ANK3: variants seen among roughly 807,000 people sequenced by gnomAD.
ANK3 encodes ankyrin 3.
ANK3 carries 57 observed loss-of-function variants against 370.9 expected under a neutral mutation model. The ratio of observed to expected loss-of-function variants is 0.15; its 90% confidence interval spans 0.12 to 0.19. ANK3 has a LOEUF of 0.19. ANK3 is among the 10% of genes least tolerant of loss of function. The pLI is 1.00. For synonymous variants in ANK3, 1,929 were observed against 1,946.3 expected, an observed-to-expected ratio of 0.99 and a Z score of 0.23; for missense variants, 4,439 against 5,302.1, an observed-to-expected ratio of 0.84 and a Z score of 5.06.
chr10:60,378,260 T>C (rs1294466324), intron 1 of ANK3, among the ~76,000 whole-genome samples: 1 of 152,176 alleles, frequency 6.6e-6, no homozygotes, highest in Non-Finnish European at 1.5e-5. Flanking sequence ...ATTCTACAAA[T>C]TGCATTTAAT....
At position 60,208,136 on chromosome 10, in the gene ANK3, T is replaced by C. The variant is rs749403036; in HGVS notation, c.1094A>G (p.Asn365Ser). Residue 365 changes from asparagine (N) to serine (S), a missense_variant, in exon 10 of 44, where the codon AAT (asparagine) becomes AGT (serine). Transcript: ENST00000280772. ...QHNVPVDDVT[N>S]DYLTALHVAA... Reference sequence around the variant, plus strand: ...CACGTGTAGGGCAGTCAGGTAGTCATTGGTGACATCATCCACGGGTACATT... The same window carrying C: ...CACGTGTAGGGCAGTCAGGTAGTCACTGGTGACATCATCCACGGGTACATT... The C allele has an allele frequency of 1.2e-6, 2 of 1,613,984 alleles. No homozygotes were observed. The highest frequency in any genetic ancestry group is 2.2e-5 in the East Asian group (1 of 44,894).
intron 4 of ANK3, among the ~76,000 whole-genome samples, chr10:60,275,945 T>C (rs1210884371): frequency 1.3e-5 from 2 of 152,320 alleles, no homozygotes; most frequent in African/African-American, 4.8e-5. Flanking sequence ...ACATCTAATA[T>C]AAAGTATTAA....
intron 42 of ANK3, chr10:60,050,685 G>C (rs1188435672): frequency 6.6e-6 from 1 of 152,048 alleles, no homozygotes; most frequent in African/African-American, 2.4e-5. Context: ...TGAAGACAAG[G>C]GGGAGACTAC....
In ANK3 at chr10:60,138,949, G is replaced by A. The variant is rs371906765; in HGVS notation, c.2738+15C>T. 9 of 1,611,660 alleles carry A rather than the reference G, an allele frequency of 5.6e-6. No homozygotes were observed. The highest frequency in any genetic ancestry group is 6.8e-6 in the Non-Finnish European group (8 of 1,179,250). ...TGTTTTAAATTAACTATGAAAGACA[G>A]CAACAACGAAGTACCTGGCAGAACG... is the stretch of plus-strand genomic sequence containing the variant. On this transcript the variant is annotated intron_variant, in intron 24 of 43. Coordinates refer to ENST00000280772, the MANE Select transcript of ANK3 (RefSeq NM_020987.5).
chr10:60,083,557 C>T lies in ANK3; in HGVS notation c.4135G>A (p.Gly1379Arg), dbSNP rs773581870. 3.1e-6 allele frequency: 5 copies of T among 1,611,842 alleles called. No individual in the cohort carries two copies. In the Admixed American group the frequency reaches 5.0e-5, roughly 16 times the overall value. Residue 1379 changes from glycine (G) to arginine (R), a missense_variant, in exon 33 of 44, where the codon GGA becomes AGA. Physicochemically the swap from Gly to Arg is moderately radical, Grantham distance 125. Around this residue, in one of 13 missense-constraint regions of ANK3, gnomAD observed 702 missense variants for 941.5 expected, o/e 0.75. Coordinates refer to ENST00000280772, the MANE Select transcript of ANK3 (RefSeq NM_020987.5). ...CYGNLAPLTK[G>R]GQQLVFNFYS... Reference sequence around the variant, plus strand: ...AAGTTAAAAACAAGTTGCTGTCCTCCTTTGGTAAGTGGGGCCAAATTTCCA... The same window carrying T: ...AAGTTAAAAACAAGTTGCTGTCCTCTTTTGGTAAGTGGGGCCAAATTTCCA...
intron 2 of ANK3, among the ~76,000 whole-genome samples, chr10:60,400,176 C>T (rs558321726): frequency 6.6e-6 from 1 of 152,186 alleles, no homozygotes; most frequent in East Asian, 1.9e-4. Flanking sequence ...ATTACTTTGT[C>T]AGTGAGCTCT....
intron 1 of ANK3, among the ~76,000 whole-genome samples, chr10:60,311,557 G>A (rs756372574): frequency 1.3e-4 from 20 of 151,630 alleles, no homozygotes; most frequent in Non-Finnish European, 2.2e-4. Flanking sequence ...TTGGGAGAAT[G>A]GGGGAAGAAT....
intron 18 of ANK3, among the ~76,000 whole-genome samples, chr10:60,178,830 G>A (rs1184445340): frequency 6.6e-6 from 1 of 152,048 alleles, no homozygotes; most frequent in African/African-American, 2.4e-5. Context: ...AGCAAAAGCA[G>A]TGGCTTCATC....
chr10:60,091,783 T>C (rs949361210), intron 28 of ANK3, among the ~76,000 whole-genome samples: 6 of 150,214 alleles, frequency 4.0e-5, no homozygotes, highest in African/African-American at 1.5e-4. Context: ...TAGGCTGGAG[T>C]GCAGTGGCAC....
chr10:60,081,169 C>G (rs2085130011), intron 35 of ANK3, among the ~76,000 whole-genome samples: 1 of 152,142 alleles, frequency 6.6e-6, no homozygotes, highest in African/African-American at 2.4e-5. Context: ...CTCACTGCAA[C>G]CTCTGCCTCC....
intron 1 of ANK3, among the ~76,000 whole-genome samples, chr10:60,333,026 A>G (rs1400463390): frequency 6.6e-6 from 1 of 152,210 alleles, no homozygotes; most frequent in Non-Finnish European, 1.5e-5. Flanking sequence ...TGAAGTATAA[A>G]AACATACAAT....
At chr10:60,049,067 G>A (rs2077426960) in intron 42 of ANK3, among the ~76,000 whole-genome samples, 1 of 152,128 alleles carries the variant, frequency 6.6e-6, no homozygotes. Context: ...CTTTGCAATT[G>A]CCCCAAAAAT....
At chr10:60,041,082 T>C (rs1480240811) in intron 43 of ANK3, among the ~76,000 whole-genome samples, 1 of 152,178 alleles carries the variant, frequency 6.6e-6, no homozygotes, top group Non-Finnish European at 1.5e-5. Context: ...AACCAAGTTG[T>C]GTTGAAATTT....
At chr10:60,083,355 C>T (rs1012243706) in intron 33 of ANK3, 137 bp downstream of exon 33, 49 of 893,054 alleles carry the variant, frequency 5.5e-5, no homozygotes, top group Middle Eastern at 3.4e-4. Context: ...CTGGTAGAAC[C>T]AGAACAAAAT....
chr10:60,570,949 T>A (rs1259891904), intron 2 of ANK3, among the ~76,000 whole-genome samples: 1 of 152,136 alleles, frequency 6.6e-6, no homozygotes, highest in Non-Finnish European at 1.5e-5. Flanking sequence ...ACCGTCGTGG[T>A]TCATGTGTCT....
intron 8 of ANK3, among the ~76,000 whole-genome samples, chr10:60,226,517 TA>T (rs2097154669): frequency 2.2e-5 from 1 of 44,538 alleles, no homozygotes; most frequent in Non-Finnish European, 3.8e-5. Flanking sequence ...ATACATAGTA[TA>T]TATACTATAG....
At chr10:60,250,608 G>A (rs568392931) in intron 7 of ANK3, among the ~76,000 whole-genome samples, 3 of 152,072 alleles carry the variant, frequency 2.0e-5, no homozygotes, top group Non-Finnish European at 4.4e-5. Flanking sequence ...CTTGTGATCT[G>A]CCCTCCTTGG....
At chr10:60,360,183 G>A (rs552849413) in intron 1 of ANK3, among the ~76,000 whole-genome samples, 3 of 152,314 alleles carry the variant, frequency 2.0e-5, no homozygotes, top group South Asian at 2.1e-4. Context: ...GCCTGGCAGA[G>A]TGAGAGACAA....
chr10:60,688,671 G>A (rs779368760), intron 1 of ANK3, among the ~76,000 whole-genome samples: 6 of 152,150 alleles, frequency 3.9e-5, no homozygotes, highest in African/African-American at 7.2e-5. Context: ...AAATCAGGCC[G>A]GGTGCGGTGG....
Sources: allele counts gnomAD v4.1 joint callset (sites outside exome capture counted in the v4.1 genomes callset), GRCh38; gene constraint gnomAD v4.1.1; regional missense constraint gnomAD v4.1.1; transcripts MANE v1.5; gene names NCBI Gene and HGNC (gene_info 2026-07-23, HGNC 2026-07-21).